CPNE7: variants seen among roughly 807,000 people sequenced by gnomAD.
CPNE7 encodes the protein copine-7.
CPNE7 carries 78 observed loss-of-function variants against 66.5 expected under a neutral mutation model. The observed-to-expected ratio is 1.17, with a 90% CI of 0.98 to 1.42. CPNE7 has a LOEUF of 1.42. Among genes scored for constraint, CPNE7 ranks in the 40% most tolerant of loss-of-function variants. CPNE7 has a pLI of 0.00. For missense variants in CPNE7, 1,012 were observed against 776.6 expected (o/e 1.30, Z -3.60); for synonymous variants, 468 against 336.7 (o/e 1.39, Z -4.27).
Position 89,595,468 on chromosome 16 carries a change from C to T in CPNE7, c.1404C>T (p.Ile468=), listed in dbSNP as rs750941132. Reference sequence around the variant, plus strand: ...CCTCACGCCTGCCCATGTCCATCATCATCGTGGGCGTGGGCAACGCCGACT... The same window carrying T: ...CCTCACGCCTGCCCATGTCCATCATTATCGTGGGCGTGGGCAACGCCGACT... The part of the protein sequence containing the change: ...VRASRLPMSI[I]IVGVGNADFT... Residue 468 remains isoleucine (I), a synonymous_variant, in exon 14 of 15, where the codon ATC becomes ATT. Coordinates refer to ENST00000319518, the MANE Select transcript of CPNE7 (RefSeq NM_153636.3). 9 of 1,612,502 alleles carry T rather than the reference C, an allele frequency of 5.6e-6. No homozygotes were observed. The South Asian group carries it at 6.6e-5, about 12-fold the overall frequency.
In CPNE7 at chr16:89,584,133, A is replaced by G. The variant is rs372907247; in HGVS notation, c.507+31A>G. 6 of 1,594,122 alleles carry G rather than the reference A, an allele frequency of 3.8e-6. No individual in the cohort carries two copies. In the East Asian group the frequency reaches 1.3e-4, roughly 36 times the overall value. On this transcript the variant is annotated intron_variant, in intron 4 of 14. Coordinates refer to ENST00000319518, the MANE Select transcript of CPNE7 (RefSeq NM_153636.3). The surrounding 1 kb of genome is among the most constrained non-coding windows in gnomAD (Gnocchi z 6.0). ...TGCAGGTGCCGGGCACGCCTGGCTC[A>G]GGCTGAGGTCCGGGAACCGGTTCGA...
chr16:89,596,018 C>G (rs2151465079), intron 14 of CPNE7: 2 of 470,166 alleles, frequency 4.3e-6, no homozygotes, highest in East Asian at 5.7e-5. Context: ...CCAGGCAAGA[C>G]ACACATGTCA....
intron 2 of CPNE7, among the ~76,000 whole-genome samples, chr16:89,578,223 C>T (rs1462131596): frequency 6.6e-6 from 1 of 151,884 alleles, no homozygotes; most frequent in African/African-American, 2.4e-5. Flanking sequence ...CGCCACCACG[C>T]CCGGCTAATT....
At chr16:89,590,923 G>C in intron 11 of CPNE7, 84 bp from the exon 12 acceptor site, 1 of 1,464,186 alleles carries the variant, frequency 6.8e-7, no homozygotes, top group Non-Finnish European at 9.4e-7. Flanking sequence ...GGCTGGGGAC[G>C]GGGGGAGCAG....
At chr16:89,591,376 G>A in intron 13 of CPNE7, 116 bp downstream of exon 13, 2 of 1,377,604 alleles carry the variant, frequency 1.5e-6, no homozygotes, top group South Asian at 1.5e-5. Flanking sequence ...AGGCCCCCAG[G>A]CAGGACAGAG....
rs969756587 is a variant in CPNE7 at position 89,585,712 on chromosome 16, G to C, written c.707G>C (p.Arg236Pro). 4.5e-6 allele frequency: 7 copies of C among 1,550,578 alleles called. No homozygotes were observed. Among genetic ancestry groups the C allele is most frequent in the Admixed American group, 3.9e-5 (2 of 50,968 alleles). Residue 236 changes from arginine to proline, a missense_variant, in exon 7 of 15, where the codon CGA (arginine) becomes CCA (proline). Arg to Pro is a moderately radical substitution (Grantham distance 103). Coordinates refer to ENST00000319518, the MANE Select transcript of CPNE7 (RefSeq NM_153636.3). Reference protein sequence around the residue: ...LKCLVWDYDSRGKHDFIGEFS... With the variant: ...LKCLVWDYDSPGKHDFIGEFS... ...TGCCTGGTCTGGGATTACGACTCTC[G>C]AGGAAAGCACGACTTCATCGGAGAA...
intron 1 of CPNE7, among the ~76,000 whole-genome samples, chr16:89,577,124 T>C (rs11859533): frequency 0.15 from 23,480 of 152,076 alleles, 1,907 homozygotes; most frequent in Middle Eastern, 0.18. Context: ...GGGAACTGCA[T>C]GGGATGGGAG....
At chr16:89,582,996 G>A (rs888650569) in intron 2 of CPNE7, among the ~76,000 whole-genome samples, 16 of 152,228 alleles carry the variant, frequency 1.1e-4, no homozygotes, top group African/African-American at 3.4e-4. Context: ...GAGATGACCT[G>A]GCTGCAGGGG....
At chr16:89,589,798 C>T in intron 10 of CPNE7, 99 bp from the exon 11 acceptor site, 2 of 1,346,020 alleles carry the variant, frequency 1.5e-6, no homozygotes, top group East Asian at 2.4e-5. Flanking sequence ...GCCTGGGCAC[C>T]CCCAGTCTTT....
chr16:89,589,525 G>C (rs182832207), intron 10 of CPNE7, among the ~76,000 whole-genome samples: 1 of 152,234 alleles, frequency 6.6e-6, no homozygotes, highest in Non-Finnish European at 1.5e-5. Flanking sequence ...CTTGGGAGAG[G>C]ATGCCCTGAG....
At position 89,588,755 on chromosome 16, in the gene CPNE7, C is replaced by T. The variant is rs771452993; in HGVS notation, c.1008C>T (p.Asn336=). 2.4e-5 allele frequency: 39 copies of T among 1,613,648 alleles called. No individual in the cohort carries two copies. In the Admixed American group the frequency reaches 3.8e-4, roughly 16 times the overall value. The change falls in exon 10 of 15, where the codon AAC becomes AAT. Residue 336 remains asparagine (N), a synonymous_variant. Transcript: ENST00000319518. The part of the protein sequence containing the change: ...SLHYINPYQP[N]EYLKALVSVG... ...ACTACATCAACCCCTACCAGCCGAA[C>T]GAGTACCTGAAGGCACTGGTGTCCG...
rs1238985986 is a variant in CPNE7 at position 89,588,773 on chromosome 16, G to A, written c.1026G>A (p.Leu342=). The change falls in exon 10 of 15, where the codon CTG becomes CTA. Residue 342 remains leucine (L), a synonymous_variant. Coordinates refer to ENST00000319518, the MANE Select transcript of CPNE7 (RefSeq NM_153636.3). ...PYQPNEYLKA[L]VSVGEICQDY... ...AGCCGAACGAGTACCTGAAGGCACT[G>A]GTGTCCGTGGGCGAGATCTGCCAGG... is the stretch of plus-strand genomic sequence containing the variant. 5.0e-6 allele frequency: 8 copies of A among 1,613,718 alleles called. No homozygotes were observed. Among genetic ancestry groups the A allele is most frequent in the Non-Finnish European group, 6.8e-6 (8 of 1,179,970 alleles).
chr16:89,585,799 G>A lies in CPNE7; in HGVS notation c.780+14G>A, dbSNP rs1291112371. Reference sequence around the variant, plus strand: ...GAGGAGGGGCAGGTGAGCAGGACGGGGTAGGGGGTCCTCCAGGGAGGGTCA... The same window carrying A: ...GAGGAGGGGCAGGTGAGCAGGACGGAGTAGGGGGTCCTCCAGGGAGGGTCA... On this transcript the variant is annotated intron_variant, in intron 7 of 14. Coordinates refer to ENST00000319518, the MANE Select transcript of CPNE7 (RefSeq NM_153636.3). 1 of 1,395,984 alleles carries A rather than the reference G, an allele frequency of 7.2e-7. No individual in the cohort carries two copies. The highest frequency in any genetic ancestry group is 1.2e-5 in the South Asian group (1 of 80,018). 86.5% of individuals were successfully genotyped at this position (1,395,984 alleles called of 1,614,324 possible). A position where few individuals can be genotyped will look rare whatever the true frequency, so the allele number is the denominator to read the frequency against.
Position 89,584,889 on chromosome 16 carries a change from G to T in CPNE7, c.591+32G>T. 6.3e-7 allele frequency: 1 copy of T among 1,581,752 alleles called. No homozygotes were observed. Among genetic ancestry groups the T allele is most frequent in the Non-Finnish European group, 8.7e-7 (1 of 1,152,754 alleles). On this transcript the variant is annotated intron_variant, in intron 5 of 14. Transcript: ENST00000319518. This position sits in a 1 kb window ranked among gnomAD's most constrained non-coding sequence, Gnocchi z 6.0. ...GGCCGGGGATGGGAACACAGGGAGG[G>T]GAAGGGGCTGTCCCCAGCCCTCACG...
intron 9 of CPNE7, chr16:89,587,615 A>C (rs1449744987): frequency 2.2e-6 from 1 of 453,150 alleles, no homozygotes; most frequent in Non-Finnish European, 4.4e-6. Context: ...CACAGTCTCT[A>C]CGTGTCATCC....
rs747107157 is a variant in CPNE7 at position 89,595,490 on chromosome 16, G to A, written c.1426G>A (p.Asp476Asn). The A allele has an allele frequency of 1.7e-5, 28 of 1,612,472 alleles. No individual in the cohort carries two copies. The highest frequency in any genetic ancestry group is 1.0e-4 in the Admixed American group (6 of 59,984). Residue 476 changes from aspartate to asparagine, a missense_variant, in exon 14 of 15, where the codon GAC becomes AAC. Physicochemically the swap from Asp to Asn is conservative, Grantham distance 23. Transcript: ENST00000319518. ...SIIIVGVGNA[D>N]FTDMQVLDGD... is the part of the protein sequence containing the mutation. ...CATCATCGTGGGCGTGGGCAACGCCGACTTCACCGACATGCAGGTCCTGGA... is the reference window on the plus strand; with the variant it reads ...CATCATCGTGGGCGTGGGCAACGCCAACTTCACCGACATGCAGGTCCTGGA...
chr16:89,582,027 C>T (rs1353562653), intron 2 of CPNE7, among the ~76,000 whole-genome samples: 1 of 152,238 alleles, frequency 6.6e-6, no homozygotes, highest in African/African-American at 2.4e-5. Flanking sequence ...CATAAGCACA[C>T]ACACAGGGTC....
intron 2 of CPNE7, among the ~76,000 whole-genome samples, chr16:89,580,980 C>G (rs1032978575): frequency 6.7e-6 from 1 of 148,960 alleles, no homozygotes; most frequent in Non-Finnish European, 1.5e-5. Flanking sequence ...TCTCACCCAT[C>G]ACACGGAACA....
chr16:89,585,111 G>C (rs1240616392), intron 5 of CPNE7, among the ~76,000 whole-genome samples: 2 of 152,236 alleles, frequency 1.3e-5, no homozygotes, highest in Non-Finnish European at 2.9e-5. Context: ...TCCACTTCCT[G>C]CAGGTGAAAT....
Sources: allele counts gnomAD v4.1 joint callset (sites outside exome capture counted in the v4.1 genomes callset), GRCh38; gene constraint gnomAD v4.1.1; non-coding constraint Gnocchi (gnomAD v3.1); transcripts MANE v1.5; gene names NCBI Gene and HGNC (gene_info 2026-07-23, HGNC 2026-07-21).